The following FBXL2 variants were observed in gnomAD, a reference collection of about 807,000 sequenced individuals.
FBXL2 encodes F-box/LRR-repeat protein 2.
In FBXL2, 38 loss-of-function variants were observed where a neutral mutation model predicts 69.2. That is an observed-to-expected ratio of 0.55 (90% confidence interval 0.42 to 0.72). The LOEUF (loss-of-function observed/expected upper bound fraction) is 0.72. FBXL2 is among the 30% of genes least tolerant of loss of function. The pLI, the probability that FBXL2 is intolerant of heterozygous loss-of-function variation, is 0.00. For missense variants in FBXL2, 354 were observed against 520.3 expected (o/e 0.68, Z 3.11); for synonymous variants, 192 against 201.3 (o/e 0.95, Z 0.39).
chr3:33,376,828 C>T (rs563798260), intron 10 of FBXL2, among the ~76,000 whole-genome samples: 3 of 151,926 alleles, frequency 2.0e-5, no homozygotes, highest in African/African-American at 7.2e-5. Flanking sequence ...TGATGAAATC[C>T]CGTTTCTACT....
At chr3:33,296,402 T>C (rs1559501459) in intron 1 of FBXL2, among the ~76,000 whole-genome samples, 1 of 152,218 alleles carries the variant, frequency 6.6e-6, no homozygotes. Flanking sequence ...TTTATCAATT[T>C]TTTTTGGATG....
chr3:33,319,801 C>G (rs1327775145), intron 2 of FBXL2, among the ~76,000 whole-genome samples: 1 of 152,040 alleles, frequency 6.6e-6, no homozygotes, highest in Non-Finnish European at 1.5e-5. Context: ...ACACACTTTT[C>G]TAGGGGCACA....
intron 2 of FBXL2, among the ~76,000 whole-genome samples, chr3:33,303,796 A>G (rs2125737031): frequency 6.6e-6 from 1 of 152,128 alleles, no homozygotes. Flanking sequence ...ATAAAGGTAG[A>G]TTGATTTTAT....
intron 1 of FBXL2, among the ~76,000 whole-genome samples, chr3:33,279,808 C>T (rs2033772334): frequency 6.6e-6 from 1 of 152,124 alleles, no homozygotes; most frequent in South Asian, 2.1e-4. Context: ...CGTAAATGAT[C>T]ACAACAACCT....
chr3:33,392,511 A>G (rs552836756), downstream of FBXL2: 205 of 1,512,520 alleles, frequency 1.4e-4, 3 homozygotes, highest in South Asian at 2.4e-3. Context: ...TTAGAGGCAC[A>G]CACCATCTCT....
chr3:33,396,387 T>C (rs1448442884), intron 12 of FBXL2: 6 of 815,216 alleles, frequency 7.4e-6, no homozygotes, highest in Non-Finnish European at 1.1e-5. Flanking sequence ...ATGAGAACTT[T>C]ATAATGTTAT....
chr3:33,319,729 T>A (rs533038326), intron 2 of FBXL2, among the ~76,000 whole-genome samples: 33 of 152,310 alleles, frequency 2.2e-4, no homozygotes, highest in South Asian at 1.0e-3. Context: ...TTTATTTTTT[T>A]AAAAAATTGA....
intron 1 of FBXL2, among the ~76,000 whole-genome samples, chr3:33,291,265 A>G (rs949265056): frequency 3.9e-5 from 6 of 152,160 alleles, no homozygotes; most frequent in African/African-American, 1.4e-4. Flanking sequence ...TTTTTTCTTA[A>G]GCAAATCTGC....
intron 2 of FBXL2, chr3:33,317,555 G>A (rs1377540043): frequency 2.2e-5 from 10 of 455,790 alleles, no homozygotes; most frequent in Non-Finnish European, 4.4e-5. Context: ...TTGTTTTGTA[G>A]CAATGATGAG....
chr3:33,380,600 C>T (rs2042986475), intron 13 of FBXL2, among the ~76,000 whole-genome samples: 1 of 151,240 alleles, frequency 6.6e-6, no homozygotes, highest in Admixed American at 6.6e-5. Context: ...GAAAAATCCC[C>T]AGTTGCCATG....
intron 5 of FBXL2, among the ~76,000 whole-genome samples, chr3:33,371,043 C>A (rs2154047233): frequency 6.6e-6 from 1 of 152,030 alleles, no homozygotes; most frequent in Middle Eastern, 3.4e-3. Flanking sequence ...ATTTCTGTTT[C>A]TGTGTTTCGT....
intron 2 of FBXL2, among the ~76,000 whole-genome samples, chr3:33,339,125 AACAG>A (rs1385303001): frequency 1.3e-5 from 2 of 152,256 alleles, no homozygotes; most frequent in Non-Finnish European, 2.9e-5. Context: ...AAAGGACATG[AACAG>A]ACACTTTTCA....
intron 2 of FBXL2, among the ~76,000 whole-genome samples, chr3:33,323,583 G>C (rs2125803453): frequency 6.6e-6 from 1 of 152,206 alleles, no homozygotes; most frequent in South Asian, 2.1e-4. Flanking sequence ...TCCTGTGTTA[G>C]TTTGCTAAGA....
chr3:33,327,771 C>T (rs956433057), intron 2 of FBXL2, among the ~76,000 whole-genome samples: 13 of 151,728 alleles, frequency 8.6e-5, no homozygotes, highest in African/African-American at 2.9e-4. Context: ...GGCTTTTTCT[C>T]TAAGATCTAG....
At chr3:33,392,959 T>TA (rs1279645585), downstream of FBXL2, 12 of 315,240 alleles carry the variant, frequency 3.8e-5, no homozygotes, top group East Asian at 3.9e-4. Flanking sequence ...TTATATATCT[T>TA]ACATGTTTTT....
the FBXL2 span, among the ~76,000 whole-genome samples, chr3:33,408,951 T>C: frequency 6.6e-6 from 1 of 152,102 alleles, no homozygotes; most frequent in Non-Finnish European, 1.5e-5. Context: ...GTGACAAAAA[T>C]TGGACTTTCT....
intron 5 of FBXL2, 72 bp downstream of exon 5, chr3:33,364,791 A>G (rs1487600332): frequency 5.0e-6 from 6 of 1,211,528 alleles, no homozygotes; most frequent in Non-Finnish European, 7.4e-6. Flanking sequence ...AACCAAGCCT[A>G]TTACATGCTC....
intron 2 of FBXL2, among the ~76,000 whole-genome samples, chr3:33,298,543 G>A (rs914677207): frequency 1.7e-4 from 26 of 151,704 alleles, no homozygotes; most frequent in African/African-American, 4.8e-4. Context: ...GCGTGGTGGT[G>A]CACGCCTGTA....
chr3:33,402,952 TG>T, intron 12 of FBXL2: 3 of 1,476,244 alleles, frequency 2.0e-6, no homozygotes, highest in Non-Finnish European at 2.8e-6. Context: ...TTAAAATATG[TG>T]GAAGAAATAT....
Sources: allele counts gnomAD v4.1 joint callset (sites outside exome capture counted in the v4.1 genomes callset), GRCh38; gene constraint gnomAD v4.1.1; transcripts MANE v1.5; gene names NCBI Gene and HGNC (gene_info 2026-07-23, HGNC 2026-07-21).